MAGI2: variants seen among roughly 807,000 people sequenced by gnomAD.
MAGI2 encodes the protein membrane associated guanylate kinase, WW and PDZ domain containing 2, also known as membrane-associated guanylate kinase, WW and PDZ domain-containing protein 2.
In MAGI2, 35 loss-of-function variants were observed where a neutral mutation model predicts 133.3. The observed-to-expected ratio is 0.26, with a 90% CI of 0.20 to 0.35. The LOEUF is 0.35. MAGI2 is among the 10% of genes least tolerant of loss of function. The pLI, the probability that MAGI2 is intolerant of heterozygous loss-of-function variation, is 1.00. For missense variants in MAGI2, 1,636 were observed against 1,863.4 expected (o/e 0.88, Z 2.25); for synonymous variants, 729 against 710.6 (o/e 1.03, Z -0.41).
chr7:79,367,875 A>ATATATATATATATATATATGTG (rs1342246318), intron 1 of MAGI2, among the ~76,000 whole-genome samples: 1 of 122,084 alleles, frequency 8.2e-6, no homozygotes, highest in African/African-American at 3.5e-5. Flanking sequence ...ATATATATAT[A>ATATATATATATATATATATGTG]TGTCATTGAC....
intron 2 of MAGI2, among the ~76,000 whole-genome samples, chr7:78,776,508 A>G (rs1826000726): frequency 6.6e-6 from 1 of 152,250 alleles, no homozygotes; most frequent in South Asian, 2.1e-4. Context: ...TAAGCTAATT[A>G]TTCATTTTTC....
chr7:79,057,153 A>G (rs913736061), intron 1 of MAGI2, among the ~76,000 whole-genome samples: 4 of 152,228 alleles, frequency 2.6e-5, no homozygotes, highest in African/African-American at 7.2e-5. Flanking sequence ...CAGTGTAAGT[A>G]TAAAGACTAT....
At chr7:78,118,219 T>C (rs762682837) in intron 20 of MAGI2, among the ~76,000 whole-genome samples, 2 of 152,182 alleles carry the variant, frequency 1.3e-5, no homozygotes, top group Non-Finnish European at 2.9e-5. Context: ...GATCCCGATC[T>C]AAATGTAAAA....
intron 2 of MAGI2, among the ~76,000 whole-genome samples, chr7:78,758,725 CA>C (rs1824201302): frequency 6.6e-6 from 1 of 152,114 alleles, no homozygotes; most frequent in Non-Finnish European, 1.5e-5. Context: ...TTTTTTTGGG[CA>C]AACAATGCTC....
intron 1 of MAGI2, among the ~76,000 whole-genome samples, chr7:79,223,395 A>C (rs1049381182): frequency 6.6e-6 from 1 of 152,056 alleles, no homozygotes; most frequent in Non-Finnish European, 1.5e-5. Flanking sequence ...GCATGTCTAG[A>C]GAAAAGTGTG....
chr7:78,690,904 T>G (rs2151121414), intron 2 of MAGI2, among the ~76,000 whole-genome samples: 1 of 152,290 alleles, frequency 6.6e-6, no homozygotes, highest in South Asian at 2.1e-4. Flanking sequence ...ATCCTGTGGG[T>G]TTAATGTAAA....
At position 79,126,453 on chromosome 7, in the gene MAGI2, G is replaced by A. The variant is rs139732195; in HGVS notation, c.302-119247C>T. Among the ~76,000 whole-genome samples the A allele has an allele frequency of 4.0e-3, 616 of 152,138 alleles. 2 individuals carry two copies. Among genetic ancestry groups the A allele is most frequent in the African/African-American group, 0.014 (589 of 41,514 alleles). On this transcript the variant is annotated intron_variant, in intron 1 of 21. Transcript: ENST00000354212. ...AGCTAAAGTTCTCTTACTCATTTAC[G>A]CTAATGGAGGCAATGTGATGGGAGA...
chr7:78,290,970 C>T (rs1195117742), intron 9 of MAGI2, among the ~76,000 whole-genome samples: 3 of 152,052 alleles, frequency 2.0e-5, no homozygotes, highest in African/African-American at 7.2e-5. Flanking sequence ...ACTAAATGCC[C>T]ACAAGAGAAA....
intron 6 of MAGI2, among the ~76,000 whole-genome samples, chr7:78,454,549 C>T (rs948040353): frequency 2.6e-5 from 4 of 152,158 alleles, no homozygotes; most frequent in Non-Finnish European, 5.9e-5. Context: ...TCATATGATC[C>T]AGCAATCGCA....
intron 2 of MAGI2, among the ~76,000 whole-genome samples, chr7:78,976,369 TACA>T (rs1330758805): frequency 2.0e-5 from 3 of 151,402 alleles, no homozygotes; most frequent in Non-Finnish European, 4.4e-5. Context: ...TTTGACAAAA[TACA>T]ACATCTATTC....
In MAGI2 at chr7:78,521,453, C is replaced by G; in HGVS notation, c.731G>C (p.Gly244Ala). Residue 244 changes from glycine to alanine, a missense_variant, in exon 4 of 22, where the codon GGA (glycine) becomes GCA (alanine). By Grantham distance (60) the Gly-to-Ala change is moderately conservative (BLOSUM62 0). Around this residue, in one of 5 missense-constraint regions of MAGI2, gnomAD observed 165 missense variants for 128.4 expected, o/e 1.28. Transcript: ENST00000354212. ...EEEEERPVVN[G>A]NGVVVTPESS... ...ACCTGGTGTTACTACTACTCCATTT[C>G]CATTGACCACAGGCCTCTCTTCCTC... The G allele has an allele frequency of 6.2e-7, 1 of 1,613,902 alleles. No individual in the cohort carries two copies. The highest frequency in any genetic ancestry group is 1.7e-5 in the Admixed American group (1 of 60,008).
At chr7:78,564,529 T>C (rs1296889746) in intron 3 of MAGI2, among the ~76,000 whole-genome samples, 2 of 152,164 alleles carry the variant, frequency 1.3e-5, no homozygotes, top group African/African-American at 2.4e-5. Flanking sequence ...GTAAATTTAT[T>C]ACTTTTTGAT....
chr7:78,124,241 C>A (rs554010982), intron 20 of MAGI2, among the ~76,000 whole-genome samples: 178 of 152,306 alleles, frequency 1.2e-3, no homozygotes, highest in African/African-American at 4.1e-3. Context: ...AAGAAAGTGT[C>A]CTTCTGGCTT....
At chr7:78,309,140 A>G (rs1282223611) in intron 9 of MAGI2, among the ~76,000 whole-genome samples, 6 of 152,234 alleles carry the variant, frequency 3.9e-5, no homozygotes, top group Non-Finnish European at 7.3e-5. Context: ...GATGTCTCAA[A>G]TAACTTAAAA....
rs1442665719 is a variant in MAGI2, at chr7:79,391,514, T to TATATATATATATAGAC, written c.301+61505_301+61506insGTCTATATATATATAT. On this transcript the variant is annotated intron_variant, in intron 1 of 21. Coordinates refer to ENST00000354212, the MANE Select transcript of MAGI2 (RefSeq NM_012301.4). ...ATATATATATATATATAGACATATA[T>TATATATATATATAGAC]ATATATATATATATATATATATAGA... 3.9e-4 allele frequency among the ~76,000 whole-genome samples: 18 copies of TATATATATATATAGAC among 46,318 alleles called. No individual in the cohort carries two copies. The African/African-American group carries it at 6.3e-3, about 16-fold the overall frequency. The allele number at this position is 46,318 out of a possible 152,430, so 30.4% of individuals were successfully genotyped here. A position where few individuals can be genotyped will look rare whatever the true frequency, so the allele number is the denominator to read the frequency against.
intron 1 of MAGI2, among the ~76,000 whole-genome samples, chr7:79,349,592 T>C (rs1216982327): frequency 6.6e-6 from 1 of 151,942 alleles, no homozygotes; most frequent in East Asian, 1.9e-4. Context: ...AGAGGTTGAG[T>C]AATTTGGTCA....
intron 6 of MAGI2, among the ~76,000 whole-genome samples, chr7:78,389,819 G>A (rs1233905520): frequency 5.9e-5 from 9 of 152,096 alleles, no homozygotes; most frequent in African/African-American, 1.9e-4. Flanking sequence ...TAACACAGAC[G>A]TCAGAAAAGC....
At chr7:78,297,832 GGT>G (rs1371867941) in intron 9 of MAGI2, among the ~76,000 whole-genome samples, 1 of 103,350 alleles carries the variant, frequency 9.7e-6, no homozygotes, top group African/African-American at 3.2e-5. Context: ...ACTGTTGTGG[GGT>G]GGGGGGAGGG....
intron 9 of MAGI2, among the ~76,000 whole-genome samples, chr7:78,309,454 G>A (rs139588812): frequency 7.5e-4 from 114 of 152,246 alleles, no homozygotes; most frequent in East Asian, 3.3e-3. Context: ...ATCAAATACC[G>A]TATGTTCTCA....
Sources: allele counts gnomAD v4.1 joint callset (sites outside exome capture counted in the v4.1 genomes callset), GRCh38; gene constraint gnomAD v4.1.1; regional missense constraint gnomAD v4.1.1; transcripts MANE v1.5; gene names NCBI Gene and HGNC (gene_info 2026-07-23, HGNC 2026-07-21).